Variants in STK32B observed in about 807,000 individuals in gnomAD.
The protein encoded by STK32B is serine/threonine kinase 32B, also known as serine/threonine-protein kinase 32B.
Under a neutral mutation model 52.6 loss-of-function variants are expected in STK32B, and 43 were observed. The observed-to-expected ratio is 0.82, with a 90% CI of 0.64 to 1.05. The LOEUF is 1.05. Ranked by LOEUF, STK32B falls within the 50% of genes least tolerant of loss-of-function variation. The pLI, the probability that STK32B is intolerant of heterozygous loss-of-function variation, is 0.00. For missense variants in STK32B, 621 were observed against 534.6 expected, an observed-to-expected ratio of 1.16 and a Z score of -1.59; for synonymous variants, 238 against 204.3, an observed-to-expected ratio of 1.17 and a Z score of -1.41.
At chr4:5,213,211 G>C (rs1009320019) in intron 3 of STK32B, among the ~76,000 whole-genome samples, 24 of 152,114 alleles carry the variant, frequency 1.6e-4, no homozygotes, top group African/African-American at 5.3e-4. Context: ...AACAAATGCT[G>C]TTGGCCCTGA....
intron 11 of STK32B, among the ~76,000 whole-genome samples, chr4:5,477,784 C>T (rs1045601457): frequency 3.9e-5 from 6 of 152,156 alleles, no homozygotes; most frequent in Admixed American, 2.0e-4. Context: ...GAACTAGTCA[C>T]GTGGCCTCAC....
chr4:5,356,181 C>T (rs1734159885), intron 4 of STK32B, among the ~76,000 whole-genome samples: 1 of 152,144 alleles, frequency 6.6e-6, no homozygotes, highest in Admixed American at 6.5e-5. Flanking sequence ...AGACACCTTT[C>T]TTGCCTTCTG....
At chr4:5,340,503 C>G (rs2108969028) in intron 4 of STK32B, among the ~76,000 whole-genome samples, 1 of 152,328 alleles carries the variant, frequency 6.6e-6, no homozygotes, top group African/African-American at 2.4e-5. Context: ...CACACCCTAA[C>G]AGACCCTGCT....
intron 6 of STK32B, among the ~76,000 whole-genome samples, chr4:5,425,808 C>T (rs1713042375): frequency 6.6e-6 from 1 of 152,204 alleles, no homozygotes; most frequent in Admixed American, 6.5e-5. Flanking sequence ...CAGTCCCTGG[C>T]AACCAGCAAT....
chr4:5,453,573 A>T lies in STK32B; in HGVS notation c.667-3234A>T. Among the ~76,000 whole-genome samples the T allele has an allele frequency of 6.6e-6, 1 of 152,224 alleles. No individual in the cohort carries two copies. Among genetic ancestry groups the T allele is most frequent in the East Asian group, 1.9e-4 (1 of 5,174 alleles). Reference sequence around the variant, plus strand: ...GGGACTGTTTTGGGCAGAACTGTTTATTGAAAAGCAAAAAAGACAGGAAGG... The same window carrying T: ...GGGACTGTTTTGGGCAGAACTGTTTTTTGAAAAGCAAAAAAGACAGGAAGG... On this transcript the variant is annotated intron_variant, in intron 7 of 11. Transcript: ENST00000282908. The surrounding 1 kb of genome is among the most constrained non-coding windows in gnomAD (Gnocchi z 4.0).
At chr4:5,020,069 C>T in the STK32B span, among the ~76,000 whole-genome samples, 1 of 152,164 alleles carries the variant, frequency 6.6e-6, no homozygotes, top group Non-Finnish European at 1.5e-5. Context: ...AGGATGGGCT[C>T]ACTGAGCGGC....
intron 2 of STK32B, among the ~76,000 whole-genome samples, chr4:5,163,591 A>G (rs1467946943): frequency 1.4e-5 from 2 of 148,064 alleles, no homozygotes; most frequent in Admixed American, 6.8e-5. Context: ...TAAGAGAGAG[A>G]GAGAGATGTT....
At chr4:5,141,798 T>C (rs1166387242) in intron 2 of STK32B, among the ~76,000 whole-genome samples, 1 of 152,150 alleles carries the variant, frequency 6.6e-6, no homozygotes, top group African/African-American at 2.4e-5. Context: ...ATCACAGGTC[T>C]GGACACTTTT....
chr4:5,433,383 A>C (rs1268994703), intron 6 of STK32B, among the ~76,000 whole-genome samples: 1 of 152,154 alleles, frequency 6.6e-6, no homozygotes, highest in African/African-American at 2.4e-5. Flanking sequence ...AGTTGTGCCC[A>C]TGGGACCTGT....
At chr4:5,119,051 A>G (rs111289915) in intron 1 of STK32B, among the ~76,000 whole-genome samples, 346 of 152,260 alleles carry the variant, frequency 2.3e-3, no homozygotes, top group Non-Finnish European at 4.2e-3. Flanking sequence ...GATATACTAC[A>G]TATCTGTTTA....
intron 3 of STK32B, among the ~76,000 whole-genome samples, chr4:5,323,902 G>A (rs1419320120): frequency 6.6e-6 from 1 of 152,176 alleles, no homozygotes; most frequent in Non-Finnish European, 1.5e-5. Context: ...TTCTGGACAT[G>A]GACTATCTTG....
chr4:5,419,722 G>A (rs1712467093), intron 6 of STK32B, among the ~76,000 whole-genome samples: 1 of 152,186 alleles, frequency 6.6e-6, no homozygotes, highest in Admixed American at 6.5e-5. Flanking sequence ...GGGTTGTAAG[G>A]AGAACTTATT....
intron 1 of STK32B, among the ~76,000 whole-genome samples, chr4:5,123,845 T>G (rs1553829011): frequency 6.9e-5 from 3 of 43,458 alleles, no homozygotes; most frequent in Non-Finnish European, 1.8e-4. Flanking sequence ...CAACTATGAT[T>G]ACCACCACCA....
At chr4:5,127,961 A>C (rs1021808543) in intron 1 of STK32B, among the ~76,000 whole-genome samples, 2 of 152,176 alleles carry the variant, frequency 1.3e-5, no homozygotes, top group East Asian at 3.8e-4. Flanking sequence ...ATAAGATGTG[A>C]CTTTGCTCCT....
chr4:5,276,429 G>A (rs1727829539), intron 3 of STK32B, among the ~76,000 whole-genome samples: 1 of 152,134 alleles, frequency 6.6e-6, no homozygotes, highest in African/African-American at 2.4e-5. Flanking sequence ...CCCTTGCCAT[G>A]GAAGGGTTTC....
At chr4:5,315,126 A>C (rs763586633) in intron 3 of STK32B, among the ~76,000 whole-genome samples, 3 of 152,210 alleles carry the variant, frequency 2.0e-5, no homozygotes, top group Non-Finnish European at 2.9e-5. Flanking sequence ...AAGTCTCAAC[A>C]GTAAATTTTT....
chr4:5,371,896 A>G (rs1735270458), intron 4 of STK32B, among the ~76,000 whole-genome samples: 1 of 152,196 alleles, frequency 6.6e-6, no homozygotes, highest in Non-Finnish European at 1.5e-5. Flanking sequence ...GTGTAAGCTC[A>G]TTTCCCAGGT....
At chr4:5,298,441 C>T (rs1729347970) in intron 3 of STK32B, among the ~76,000 whole-genome samples, 1 of 152,124 alleles carries the variant, frequency 6.6e-6, no homozygotes, top group South Asian at 2.1e-4. Context: ...TATCTATAGG[C>T]CCCTGACTGG....
At position 5,400,910 on chromosome 4, in the gene STK32B, G is replaced by C. The variant is rs923893895; in HGVS notation, c.472+2666G>C. 2.0e-5 allele frequency among the ~76,000 whole-genome samples: 3 copies of C among 151,982 alleles called. No homozygotes were observed. Among genetic ancestry groups the C allele is most frequent in the East Asian group, 3.9e-4 (2 of 5,174 alleles). On this transcript the variant is annotated intron_variant, in intron 5 of 11. Transcript: ENST00000282908. This position sits in a 1 kb window ranked among gnomAD's most constrained non-coding sequence, Gnocchi z 6.1. ...AACGCTGATGGGTTTCATGGTGTTG[G>C]GGAGAGTGTGGGGAAGCTCAGGAGA...
Sources: allele counts gnomAD v4.1 joint callset (sites outside exome capture counted in the v4.1 genomes callset), GRCh38; gene constraint gnomAD v4.1.1; non-coding constraint Gnocchi (gnomAD v3.1); transcripts MANE v1.5; gene names NCBI Gene and HGNC (gene_info 2026-07-23, HGNC 2026-07-21).